CCNC: variants seen among roughly 807,000 people sequenced by gnomAD.
CCNC encodes cyclin C.
Under a neutral mutation model 50.0 loss-of-function variants are expected in CCNC, and 19 were observed. That is an observed-to-expected ratio of 0.38 (90% CI 0.27 to 0.56). CCNC has a LOEUF of 0.56. CCNC is among the 20% of genes least tolerant of loss of function. The pLI is 0.72. For synonymous variants in CCNC, 93 were observed against 103.7 expected, an observed-to-expected ratio of 0.90 and a Z score of 0.63; for missense variants, 200 against 327.1, an observed-to-expected ratio of 0.61 and a Z score of 3.00.
chr6:99,563,724 T>G (rs1364565026), intron 1 of CCNC, among the ~76,000 whole-genome samples: 1 of 152,226 alleles, frequency 6.6e-6, no homozygotes, highest in Non-Finnish European at 1.5e-5. Context: ...GGAATTTATT[T>G]TGGTACAAAG....
intron 7 of CCNC, 30 bp from the exon 8 acceptor site, chr6:99,550,339 T>C: frequency 1.4e-6 from 2 of 1,458,692 alleles, no homozygotes; most frequent in Non-Finnish European, 1.9e-6. Flanking sequence ...TGTGTATGTA[T>C]AAAAAACAGA....
chr6:99,557,955 G>T (rs1490895040), intron 5 of CCNC: 2 of 152,900 alleles, frequency 1.3e-5, no homozygotes, highest in Non-Finnish European at 2.9e-5. Context: ...CTTGATCTTG[G>T]ATTTCCATGC....
chr6:99,548,703 G>T (rs1802169351), intron 9 of CCNC, among the ~76,000 whole-genome samples: 1 of 150,642 alleles, frequency 6.6e-6, no homozygotes, highest in Non-Finnish European at 1.5e-5. Context: ...TAATCCTCCT[G>T]TAGGCAGGAG....
At chr6:99,565,915 C>T (rs1001881104) in intron 1 of CCNC, among the ~76,000 whole-genome samples, 2 of 151,932 alleles carry the variant, frequency 1.3e-5, no homozygotes, top group African/African-American at 4.8e-5. Flanking sequence ...CTAGATTTTT[C>T]TGTGTTATCA....
chr6:99,554,005 T>C (rs1802416115), intron 5 of CCNC, among the ~76,000 whole-genome samples: 1 of 152,232 alleles, frequency 6.6e-6, no homozygotes, highest in African/African-American at 2.4e-5. Context: ...CCTAGGGTCT[T>C]ATCTAGGATA....
intron 8 of CCNC, 108 bp downstream of exon 8, chr6:99,550,110 T>A (rs188738728): frequency 1.4e-6 from 1 of 729,046 alleles, no homozygotes; most frequent in Non-Finnish European, 2.2e-6. Context: ...ACATAAAATA[T>A]CTTGGGGCAA....
chr6:99,556,536 T>G (rs1265370257), intron 5 of CCNC, among the ~76,000 whole-genome samples: 1 of 152,194 alleles, frequency 6.6e-6, no homozygotes, highest in Non-Finnish European at 1.5e-5. Flanking sequence ...TAAATAAAAC[T>G]GGCCAGGCAC....
rs560129001 is a variant in CCNC at position 99,565,390 on chromosome 6, A to C, written c.33-2442T>G. On this transcript the variant is annotated intron_variant, in intron 1 of 11. Coordinates refer to ENST00000520429, the MANE Select transcript of CCNC (RefSeq NM_005190.4). Reference sequence around the variant, plus strand: ...TCCCTCTGTATATTTTCTGTTGCTAATGTAAATTATACTTCTCTATCCATT... The same window carrying C: ...TCCCTCTGTATATTTTCTGTTGCTACTGTAAATTATACTTCTCTATCCATT... Among the ~76,000 whole-genome samples, 300 of 152,128 alleles carry C rather than the reference A, an allele frequency of 2.0e-3. 3 individuals carry two copies. Among genetic ancestry groups the C allele is most frequent in the African/African-American group, 6.9e-3 (285 of 41,554 alleles).
At chr6:99,544,283 A>G in intron 11 of CCNC, 5 of 1,534,814 alleles carry the variant, frequency 3.3e-6, no homozygotes, top group Non-Finnish European at 4.4e-6. Flanking sequence ...TCTGCAAAAA[A>G]TGCATCCAAA....
chr6:99,551,960 TAACAGAGCAG>T, intron 5 of CCNC, 65 bp from the exon 6 acceptor site: 1 of 1,167,640 alleles, frequency 8.6e-7, no homozygotes, highest in Non-Finnish European at 1.2e-6. Context: ...AAAATTCCTT[TAACAGAGCAG>T]AATATTAGAG....
At position 99,568,578 on chromosome 6, in the gene CCNC, G is replaced by T. The variant is rs766596533; in HGVS notation, c.-51C>A. ...AGCACCAGCCGGCGGAGCGGCCCGCGGAGCGACCATAGACCCAGCCCGTCC... is the reference window on the plus strand; with the variant it reads ...AGCACCAGCCGGCGGAGCGGCCCGCTGAGCGACCATAGACCCAGCCCGTCC... On this transcript the variant is annotated 5_prime_UTR_variant, in exon 1 of 12. Coordinates refer to ENST00000520429, the MANE Select transcript of CCNC (RefSeq NM_005190.4). The T allele has an allele frequency of 5.0e-6, 8 of 1,597,158 alleles. No homozygotes were observed. The highest frequency in any genetic ancestry group is 1.3e-5 in the African/African-American group (1 of 74,182).
chr6:99,558,213 A>T (rs1283204930), intron 5 of CCNC: 2 of 404,974 alleles, frequency 4.9e-6, no homozygotes, highest in Non-Finnish European at 8.6e-6. Context: ...CGGAAACAGA[A>T]TTTTTTCTTT....
At chr6:99,567,418 CACAT>C (rs1769180665) in intron 1 of CCNC, among the ~76,000 whole-genome samples, 1 of 117,936 alleles carries the variant, frequency 8.5e-6, no homozygotes, top group Admixed American at 9.0e-5. Flanking sequence ...TACACACACA[CACAT>C]ATATATACAC....
chr6:99,567,051 G>A (rs1357694681), intron 1 of CCNC: 1 of 369,314 alleles, frequency 2.7e-6, no homozygotes, highest in Non-Finnish European at 5.3e-6. Flanking sequence ...ATTTGAATTG[G>A]GAGAAAAGAA....
At position 99,543,364 on chromosome 6, in the gene CCNC, CAA is replaced by C. The variant is rs1801948242; in HGVS notation, c.*189_*190del. ...TAGAACCTTTCCAAACATTTATAAT[CAA>C]GAGATTTTAATCAATTATGTACTAG... On this transcript the variant is annotated 3_prime_UTR_variant, in exon 12 of 12. Transcript: ENST00000520429. The C allele has an allele frequency of 1.8e-6, 1 of 568,952 alleles. No homozygotes were observed. 35.2% of individuals were successfully genotyped at this position (568,952 alleles called of 1,614,324 possible). A position where few individuals can be genotyped will look rare whatever the true frequency, so the allele number is the denominator to read the frequency against.
chr6:99,550,315 AAC>A lies in CCNC; in HGVS notation c.439-8_439-7del. On this transcript the variant is annotated splice_polypyrimidine_tract_variant and splice_region_variant and intron_variant, in intron 7 of 11. Coordinates refer to ENST00000520429, the MANE Select transcript of CCNC (RefSeq NM_005190.4). ...TACACTATCAAGCAACAATCCTAGA[AAC>A]AGTTTAAAAAATGTGTATGTATAAA... 1 of 1,596,340 alleles carries A rather than the reference AAC, an allele frequency of 6.3e-7. No individual in the cohort carries two copies. Among genetic ancestry groups the A allele is most frequent in the Non-Finnish European group, 8.6e-7 (1 of 1,168,544 alleles).
At chr6:99,547,262 A>G (rs1450366939) in intron 9 of CCNC, among the ~76,000 whole-genome samples, 1 of 152,172 alleles carries the variant, frequency 6.6e-6, no homozygotes, top group African/African-American at 2.4e-5. Context: ...TGGTTGCCCT[A>G]AGTCAAGCAA....
chr6:99,543,710 A>G (rs1801961182), intron 11 of CCNC, 101 bp from the exon 12 acceptor site: 3 of 1,539,562 alleles, frequency 1.9e-6, no homozygotes, highest in African/African-American at 1.4e-5. Context: ...CTGTGGCACA[A>G]CTATACAAAA....
chr6:99,564,560 T>C (rs1020614457), intron 1 of CCNC, among the ~76,000 whole-genome samples: 1 of 152,218 alleles, frequency 6.6e-6, no homozygotes, highest in African/African-American at 2.4e-5. Context: ...CATGTCTTTA[T>C]TGGTCAAATA....
Sources: allele counts gnomAD v4.1 joint callset (sites outside exome capture counted in the v4.1 genomes callset), GRCh38; gene constraint gnomAD v4.1.1; transcripts MANE v1.5; gene names NCBI Gene and HGNC (gene_info 2026-07-23, HGNC 2026-07-21).